NPAS3: variants seen among roughly 807,000 people sequenced by gnomAD.
NPAS3 encodes the protein neuronal PAS domain protein 3.
NPAS3 carries 14 observed loss-of-function variants against 73.1 expected under a neutral mutation model. The ratio of observed to expected loss-of-function variants is 0.19; its 90% CI spans 0.13 to 0.30. The LOEUF (loss-of-function observed/expected upper bound fraction) is 0.30. NPAS3 is among the 10% of genes least tolerant of loss of function. The pLI, the probability that NPAS3 is intolerant of heterozygous loss-of-function variation, is 1.00. For synonymous variants in NPAS3, 620 were observed against 541.5 expected (o/e 1.14, Z -2.01); for missense variants, 1,096 against 1,250.0 (o/e 0.88, Z 1.86).
chr14:33,367,400 G>A (rs758923150), intron 4 of NPAS3, 132 bp downstream of exon 4: 28 of 529,584 alleles, frequency 5.3e-5, no homozygotes, highest in African/African-American at 7.8e-5. Context: ...TTGAAATTCC[G>A]AAATTCTTAT....
chr14:33,324,469 G>T (rs1307878474), intron 3 of NPAS3, among the ~76,000 whole-genome samples: 3 of 152,126 alleles, frequency 2.0e-5, no homozygotes, highest in Non-Finnish European at 2.9e-5. Flanking sequence ...TTATCGGATT[G>T]CCCTTTCAGG....
intron 1 of NPAS3, among the ~76,000 whole-genome samples, chr14:32,941,725 G>T (rs1376369752): frequency 6.6e-6 from 1 of 152,098 alleles, no homozygotes; most frequent in Non-Finnish European, 1.5e-5. Context: ...GATCTGAGAA[G>T]GTTTAACCTG....
At chr14:33,764,649 C>A (rs1290378283) in intron 7 of NPAS3, among the ~76,000 whole-genome samples, 1 of 152,134 alleles carries the variant, frequency 6.6e-6, no homozygotes, top group Non-Finnish European at 1.5e-5. Flanking sequence ...TTGAGAAGAA[C>A]TGCCTCTCTA....
At chr14:33,194,654 C>A (rs2046286681) in intron 2 of NPAS3, among the ~76,000 whole-genome samples, 1 of 152,032 alleles carries the variant, frequency 6.6e-6, no homozygotes. Context: ...TTATTAGTAA[C>A]AAAAAATTCG....
At chr14:33,662,962 G>A (rs536049410) in intron 5 of NPAS3, among the ~76,000 whole-genome samples, 6 of 139,096 alleles carry the variant, frequency 4.3e-5, no homozygotes, top group Admixed American at 8.0e-5. Context: ...CTGGGTTCAC[G>A]CCATTCTCCT....
At chr14:33,674,285 T>C (rs186503435) in intron 5 of NPAS3, among the ~76,000 whole-genome samples, 3 of 152,324 alleles carry the variant, frequency 2.0e-5, no homozygotes, top group Admixed American at 1.3e-4. Context: ...CTATGGTCCG[T>C]GCCAAAATGC....
At chr14:33,186,598 C>T (rs2045982882) in intron 2 of NPAS3, among the ~76,000 whole-genome samples, 1 of 152,158 alleles carries the variant, frequency 6.6e-6, no homozygotes, top group Non-Finnish European at 1.5e-5. Flanking sequence ...TCCCTCGAGT[C>T]TGATCTACCT....
At chr14:33,291,847 C>G (rs763681896) in intron 3 of NPAS3, among the ~76,000 whole-genome samples, 1 of 152,182 alleles carries the variant, frequency 6.6e-6, no homozygotes, top group Non-Finnish European at 1.5e-5. Context: ...TGTCAGCTCC[C>G]GTGTCTCCAC....
At chr14:33,742,329 C>T (rs1220286340) in intron 7 of NPAS3, among the ~76,000 whole-genome samples, 1 of 152,090 alleles carries the variant, frequency 6.6e-6, no homozygotes, top group Non-Finnish European at 1.5e-5. Context: ...CAGATACAGG[C>T]ATATCTTGGA....
intron 4 of NPAS3, among the ~76,000 whole-genome samples, chr14:33,421,288 G>A (rs1243344134): frequency 1.3e-5 from 2 of 151,854 alleles, no homozygotes; most frequent in Admixed American, 1.3e-4. Context: ...ATAAAGGTGT[G>A]TCTTTGAACC....
intron 4 of NPAS3, among the ~76,000 whole-genome samples, chr14:33,454,041 C>A (rs1031167297): frequency 6.6e-6 from 1 of 151,982 alleles, no homozygotes; most frequent in Non-Finnish European, 1.5e-5. Context: ...TCCCTTTTTG[C>A]CCTGGCTGCC....
intron 2 of NPAS3, among the ~76,000 whole-genome samples, chr14:33,200,665 T>C (rs1007763998): frequency 2.0e-5 from 3 of 152,176 alleles, no homozygotes; most frequent in African/African-American, 7.2e-5. Context: ...TTTCAAAAAC[T>C]GGAAGATTTT....
At chr14:33,191,277 G>A (rs1192519312) in intron 2 of NPAS3, among the ~76,000 whole-genome samples, 1 of 152,090 alleles carries the variant, frequency 6.6e-6, no homozygotes, top group African/African-American at 2.4e-5. Flanking sequence ...TGATTTGGGT[G>A]GAAGAAACTG....
chr14:33,048,211 G>A (rs1437207877), intron 1 of NPAS3, among the ~76,000 whole-genome samples: 1 of 152,178 alleles, frequency 6.6e-6, no homozygotes, highest in East Asian at 1.9e-4. Context: ...AGATCATTTT[G>A]AAGGTGGTCA....
At chr14:33,250,471 G>A (rs1280460227) in intron 3 of NPAS3, among the ~76,000 whole-genome samples, 2 of 151,988 alleles carry the variant, frequency 1.3e-5, no homozygotes, top group Non-Finnish European at 2.9e-5. Flanking sequence ...TCCAAAGAGC[G>A]GTATTTTTCC....
intron 2 of NPAS3, among the ~76,000 whole-genome samples, chr14:33,087,033 G>A (rs554830677): frequency 1.3e-5 from 2 of 150,976 alleles, no homozygotes; most frequent in Non-Finnish European, 3.0e-5. Flanking sequence ...TTCAACAAGT[G>A]TGGCAAAAAC....
At chr14:33,267,208 G>A (rs1259996746) in intron 3 of NPAS3, among the ~76,000 whole-genome samples, 2 of 152,098 alleles carry the variant, frequency 1.3e-5, no homozygotes, top group East Asian at 3.9e-4. Flanking sequence ...ATCAAGGTCA[G>A]GCTATTCTTG....
chr14:33,489,339 G>C (rs2139797433), intron 4 of NPAS3, among the ~76,000 whole-genome samples: 1 of 152,212 alleles, frequency 6.6e-6, no homozygotes, highest in East Asian at 1.9e-4. Flanking sequence ...ACTAAATATA[G>C]GAATATGCCT....
At position 33,800,282 on chromosome 14, in the gene NPAS3, G is replaced by A. The variant is rs1477311213; in HGVS notation, c.1975G>A (p.Asp659Asn). 1.2e-6 allele frequency: 2 copies of A among 1,613,446 alleles called. No individual in the cohort carries two copies. Among genetic ancestry groups the A allele is most frequent in the Admixed American group, 1.7e-5 (1 of 59,980 alleles). The change falls in exon 12 of 12, where the codon GAC (aspartate) becomes AAC (asparagine). Residue 659 changes from aspartate to asparagine, a missense_variant. This residue lies in a region of NPAS3 where 698 missense variants were observed against 676.7 expected (regional missense o/e 1.03). Coordinates refer to ENST00000356141, the Ensembl canonical transcript of NPAS3. The surrounding 1 kb of genome is among the most constrained non-coding windows in gnomAD (Gnocchi z 6.5). ...GGAGATCTCAGAACCCATCAATTTC[G>A]ACAATGACAGCAGCATCTGGAACTA...
Sources: gnomAD v4.1 joint callset for allele counts (sites outside exome capture counted in the v4.1 genomes callset) on GRCh38, gnomAD v4.1.1 for gene constraint, gnomAD v4.1.1 regional missense constraint, Gnocchi (gnomAD v3.1) non-coding constraint, MANE v1.5 for transcripts, NCBI Gene and HGNC (gene_info 2026-07-23, HGNC 2026-07-21) for gene names.